Variants in NRDE2 observed in about 807,000 individuals in gnomAD.
The protein encoded by NRDE2 is nuclear exosome regulator NRDE2.
A neutral mutation model predicts 124.2 loss-of-function variants in NRDE2; 76 were observed. The observed-to-expected ratio is 0.61, with a 90% CI of 0.51 to 0.74. NRDE2 has a LOEUF of 0.74. NRDE2 is among the 30% of genes least tolerant of loss of function. The probability of loss-of-function intolerance (pLI) is 0.00; values close to 1 mark genes in which losing one functional copy is unlikely to be tolerated. For missense variants in NRDE2, 1,314 were observed against 1,417.3 expected (o/e 0.93, Z 1.17); for synonymous variants, 489 against 528.1 (o/e 0.93, Z 1.01).
chr14:90,288,773 C>A lies in NRDE2; in HGVS notation c.2602G>T (p.Ala868Ser). The change falls in exon 11 of 14, where the codon GCT becomes TCT. Residue 868 changes from alanine (A) to serine (S), a missense_variant. Ala to Ser is a moderately conservative substitution (Grantham distance 99). Coordinates refer to ENST00000354366, the MANE Select transcript of NRDE2 (RefSeq NM_017970.4). ...PYGPYTGQVL[A>S]VHILKARKAY... ...TTTCGCGCTTTCAAAATGTGAACAG[C>A]CAACACCTGTCCAGTGTAGGGCCCA... 6.2e-7 allele frequency: 1 copy of A among 1,614,108 alleles called. No individual in the cohort carries two copies. The highest frequency in any genetic ancestry group is 8.5e-7 in the Non-Finnish European group (1 of 1,180,000).
rs766650892 is a variant in NRDE2 at position 90,286,381 on chromosome 14, C to T, written c.3270G>A (p.Leu1090=). Residue 1090 remains leucine, a synonymous_variant, in exon 12 of 14, where the codon TTG becomes TTA. Coordinates refer to ENST00000354366, the MANE Select transcript of NRDE2 (RefSeq NM_017970.4). ...GAAAGTTCAAATACATCCTCCACAG[C>T]AAGGGGCACTGGCTGCCACTGTCGC... The part of the protein sequence containing the change: ...MRSDSGSQCP[L]LWRMYLNFLV... 6.2e-6 allele frequency: 10 copies of T among 1,614,070 alleles called. No individual in the cohort carries two copies. Among genetic ancestry groups the T allele is most frequent in the Non-Finnish European group, 8.5e-6 (10 of 1,179,972 alleles).
At chr14:90,317,798 C>A (rs1297079028) in intron 2 of NRDE2, 6 of 447,152 alleles carry the variant, frequency 1.3e-5, no homozygotes, top group Non-Finnish European at 2.0e-5. Flanking sequence ...ATTACAGGCA[C>A]TAACTGTGTC....
In NRDE2 at chr14:90,288,371, T is replaced by G. The variant is rs766462451; in HGVS notation, c.3004A>C (p.Arg1002=). ...TTATTCTGAATCTGTACATAGGACC[T>G]CCAAAGAACCTGGTTGCCTGGATAC... ...KLYPGNQVLW[R]SYVQIQNKSH... Residue 1002 remains arginine, a synonymous_variant, in exon 11 of 14, where the codon AGG becomes CGG. Coordinates refer to ENST00000354366, the MANE Select transcript of NRDE2 (RefSeq NM_017970.4). 7.4e-6 allele frequency: 12 copies of G among 1,614,134 alleles called. No homozygotes were observed. In the South Asian group the frequency reaches 1.3e-4, roughly 18 times the overall value.
rs983683520 is a variant in NRDE2 at position 90,276,279 on chromosome 14, C to A, written c.*2057G>T. On this transcript the variant is annotated 3_prime_UTR_variant, in exon 14 of 14. Transcript: ENST00000354366. Reference sequence around the variant, plus strand: ...TGTCGCCCAGGCTGGAGTGCAGTGGCGCGATCTTGGCTCACTGCAAGCTCT... The same window carrying A: ...TGTCGCCCAGGCTGGAGTGCAGTGGAGCGATCTTGGCTCACTGCAAGCTCT... 1 of 132,290 alleles carries A rather than the reference C, an allele frequency of 7.6e-6. No individual in the cohort carries two copies. The highest frequency in any genetic ancestry group is 2.9e-5 in the African/African-American group (1 of 34,880). 8.2% of individuals were successfully genotyped at this position (132,290 alleles called of 1,614,324 possible). A position where few individuals can be genotyped will look rare whatever the true frequency, so the allele number is the denominator to read the frequency against.
In NRDE2 at chr14:90,302,854, T is replaced by C. The variant is rs533952571; in HGVS notation, c.1277A>G (p.Gln426Arg). 3.7e-6 allele frequency: 6 copies of C among 1,614,154 alleles called. No homozygotes were observed. The highest frequency in any genetic ancestry group is 1.1e-5 in the South Asian group (1 of 91,088). The change falls in exon 6 of 14, where the codon CAG becomes CGG. Residue 426 changes from glutamine to arginine, a missense_variant. Coordinates refer to ENST00000354366, the MANE Select transcript of NRDE2 (RefSeq NM_017970.4). ...ALWQKYLLFCQSQFSTFSISK... is the reference protein window; with the variant it reads ...ALWQKYLLFCRSQFSTFSISK... ...TATCGAAAAGGTACTAAACTGGCTC[T>C]GGCAAAATAAAAGGTATTTCTGCCA...
chr14:90,298,200 G>A, intron 8 of NRDE2, 60 bp downstream of exon 8: 2 of 1,560,064 alleles, frequency 1.3e-6, no homozygotes, highest in Admixed American at 1.8e-5. Context: ...TAATCATGAG[G>A]ATGTAAAAAC....
rs772905104 is a variant in NRDE2, at chr14:90,288,678, G to A, written c.2697C>T (p.Ser899=). 37 of 1,614,084 alleles carry A rather than the reference G, an allele frequency of 2.3e-5. No homozygotes were observed. Among genetic ancestry groups the A allele is most frequent in the East Asian group, 2.2e-5 (1 of 44,896 alleles). ...TAGCCAGGCTAATTAGGCGGCTACA[G>A]GAATCGGTGGGAGCTGGATTGGAGA... ...SCVSNPAPTD[S]CSRLISLAKC... The change falls in exon 11 of 14, where the codon TCC becomes TCT. Residue 899 remains serine, a synonymous_variant. Coordinates refer to ENST00000354366, the MANE Select transcript of NRDE2 (RefSeq NM_017970.4).
intron 1 of NRDE2, among the ~76,000 whole-genome samples, chr14:90,331,173 G>A (rs1298585341): frequency 6.6e-6 from 1 of 152,072 alleles, no homozygotes; most frequent in Non-Finnish European, 1.5e-5. Flanking sequence ...TCCACCTACA[G>A]GTGTGGGCCA....
Position 90,273,994 on chromosome 14 carries a change from T to TATC in NRDE2, c.*4339_*4341dup, listed in dbSNP as rs1391676510. The TATC allele has an allele frequency of 1.2e-4, 19 of 154,878 alleles. 1 individual carries two copies. In the Middle Eastern group the frequency reaches 7.7e-3, roughly 63 times the overall value. 9.6% of individuals were successfully genotyped at this position (154,878 alleles called of 1,614,324 possible). A position where few individuals can be genotyped will look rare whatever the true frequency, so the allele number is the denominator to read the frequency against. On this transcript the variant is annotated 3_prime_UTR_variant, in exon 14 of 14. Coordinates refer to ENST00000354366, the MANE Select transcript of NRDE2 (RefSeq NM_017970.4). ...TAAAGTTTACAATCTTCTTAATTTT[T>TATC]ATCTGCAAAGTTCCTTTTGCCATGT...
At chr14:90,328,373 G>A (rs1885535053) in intron 1 of NRDE2, among the ~76,000 whole-genome samples, 2 of 151,914 alleles carry the variant, frequency 1.3e-5, no homozygotes, top group Admixed American at 6.6e-5. Flanking sequence ...TGTATTCAGG[G>A]TATCCCAATA....
intron 4 of NRDE2, among the ~76,000 whole-genome samples, chr14:90,311,159 T>C (rs149260431): frequency 6.6e-6 from 1 of 152,228 alleles, no homozygotes; most frequent in Non-Finnish European, 1.5e-5. Context: ...TAAAGAATAA[T>C]AATCTTCAAG....
In NRDE2 at chr14:90,277,392, T is replaced by C. The variant is rs1042469114; in HGVS notation, c.*944A>G. The stretch of plus-strand genomic sequence containing the variant: ...TAGCCAGTCTAGAGCTCGGAGAAGA[T>C]AAGAAAACCATTCCTTCCAGCCATA... On this transcript the variant is annotated 3_prime_UTR_variant, in exon 14 of 14. Transcript: ENST00000354366. 1.3e-5 allele frequency: 2 copies of C among 152,232 alleles called. No individual in the cohort carries two copies. Among genetic ancestry groups the C allele is most frequent in the Admixed American group, 1.3e-4 (2 of 15,280 alleles). 9.4% of individuals were successfully genotyped at this position (152,232 alleles called of 1,614,324 possible). A position where few individuals can be genotyped will look rare whatever the true frequency, so the allele number is the denominator to read the frequency against.
intron 1 of NRDE2, among the ~76,000 whole-genome samples, chr14:90,328,304 CAA>C (rs60360850): frequency 5.6e-4 from 50 of 88,682 alleles, no homozygotes; most frequent in Admixed American, 9.6e-4. Context: ...ACTCTGTCTC[CAA>C]AAAAAAAAAA....
In NRDE2 at chr14:90,278,431, G is replaced by A; in HGVS notation, c.3400C>T (p.Pro1134Ser). Reference sequence around the variant, plus strand: ...TCCAGGATCTCCTGCATCTCATCGGGGAAATACTCCACGGCGTCCAGGTAC... The same window carrying A: ...TCCAGGATCTCCTGCATCTCATCGGAGAAATACTCCACGGCGTCCAGGTAC... Reference protein sequence around the residue: ...VLYLDAVEYFPDEMQEILDLM... With the variant: ...VLYLDAVEYFSDEMQEILDLM... Residue 1134 changes from proline (P) to serine (S), a missense_variant, in exon 14 of 14, where the codon CCC becomes TCC. Pro to Ser is a moderately conservative substitution (Grantham distance 74, BLOSUM62 -1). Transcript: ENST00000354366. The A allele has an allele frequency of 1.2e-6, 2 of 1,614,120 alleles. No individual in the cohort carries two copies. The highest frequency in any genetic ancestry group is 1.7e-6 in the Non-Finnish European group (2 of 1,180,000).
intron 11 of NRDE2, 42 bp from the exon 12 acceptor site, chr14:90,286,534 C>A (rs1007478280): frequency 6.3e-7 from 1 of 1,595,260 alleles, no homozygotes; most frequent in South Asian, 1.1e-5. Context: ...CAAGCTCTCT[C>A]ATCCTACATC....
At chr14:90,281,481 C>A (rs552113967) in intron 12 of NRDE2, 2 of 152,198 alleles carry the variant, frequency 1.3e-5, no homozygotes, top group Non-Finnish European at 2.9e-5. Context: ...TGTGCGACCA[C>A]GGGGGAGGCG....
intron 1 of NRDE2, among the ~76,000 whole-genome samples, chr14:90,318,562 G>A (rs1343546783): frequency 1.3e-5 from 2 of 152,200 alleles, no homozygotes; most frequent in Non-Finnish European, 2.9e-5. Flanking sequence ...CACTTTGGGA[G>A]GCTGAGGAGG....
In NRDE2 at chr14:90,325,921, G is replaced by A. The variant is rs1221160273; in HGVS notation, c.64+5920C>T. On this transcript the variant is annotated intron_variant, in intron 1 of 13. Transcript: ENST00000354366. Reference sequence around the variant, plus strand: ...TGTCTTTCCTGTCCAGGAGTTTAACGTTTTTTTTAATTGAAACTCTGCACC... The same window carrying A: ...TGTCTTTCCTGTCCAGGAGTTTAACATTTTTTTTAATTGAAACTCTGCACC... Among the ~76,000 whole-genome samples, 5 of 151,884 alleles carry A rather than the reference G, an allele frequency of 3.3e-5. No individual in the cohort carries two copies. The South Asian group carries it at 6.2e-4, about 19-fold the overall frequency.
chr14:90,310,835 C>T (rs1322723676), intron 4 of NRDE2, among the ~76,000 whole-genome samples: 1 of 152,200 alleles, frequency 6.6e-6, no homozygotes, highest in Non-Finnish European at 1.5e-5. Flanking sequence ...GAATCTACCA[C>T]ATCTGGGGTA....
Sources: allele counts gnomAD v4.1 joint callset (sites outside exome capture counted in the v4.1 genomes callset), GRCh38; gene constraint gnomAD v4.1.1; transcripts MANE v1.5; gene names NCBI Gene and HGNC (gene_info 2026-07-23, HGNC 2026-07-21).